ZNF568: variants seen among roughly 807,000 people sequenced by gnomAD.
ZNF568 encodes p53 inhibitor of SCO2 activation.
ZNF568 carries 11 observed loss-of-function variants against 18.1 expected under a neutral mutation model. The ratio of observed to expected loss-of-function variants is 0.61; its 90% CI spans 0.38 to 1.00. The LOEUF (loss-of-function observed/expected upper bound fraction) is 1.00. Among genes scored for constraint, ZNF568 ranks in the 50% least tolerant of loss-of-function variants. ZNF568 has a pLI of 0.01. For synonymous variants in ZNF568, 213 were observed against 246.6 expected, an observed-to-expected ratio of 0.86 and a Z score of 1.28; for missense variants, 639 against 768.2, an observed-to-expected ratio of 0.83 and a Z score of 1.99.
chr19:36,949,438 C>A, intron 6 of ZNF568, 74 bp from the exon 7 acceptor site: 1 of 1,432,118 alleles, frequency 7.0e-7, no homozygotes, highest in Non-Finnish European at 9.3e-7. Flanking sequence ...CCACATTAGC[C>A]TATTTCTGAT....
intron 2 of ZNF568, among the ~76,000 whole-genome samples, chr19:36,919,272 G>A (rs532892288): frequency 2.0e-4 from 31 of 152,042 alleles, no homozygotes; most frequent in South Asian, 1.7e-3. Context: ...TGTTTTCATG[G>A]AGTTTATGTT....
At chr19:36,925,315 G>GTTC in intron 4 of ZNF568, 57 bp downstream of exon 4, 1 of 1,485,196 alleles carries the variant, frequency 6.7e-7, no homozygotes, top group Non-Finnish European at 9.4e-7. Flanking sequence ...GTTACGGTGG[G>GTTC]TTCTTGTAAC....
intron 4 of ZNF568, among the ~76,000 whole-genome samples, chr19:36,935,266 A>G (rs369347234): frequency 2.0e-5 from 3 of 152,100 alleles, no homozygotes; most frequent in African/African-American, 7.2e-5. Context: ...ATCCATTATT[A>G]AAAGTGGTGT....
chr19:36,936,418 T>C (rs1467108732), intron 4 of ZNF568, among the ~76,000 whole-genome samples: 1 of 143,978 alleles, frequency 6.9e-6, no homozygotes, highest in East Asian at 2.0e-4. Flanking sequence ...AAATCTTGTG[T>C]CATTGCTTAC....
At position 36,922,856 on chromosome 19, in the gene ZNF568, C is replaced by T; in HGVS notation, c.76+10C>T. 1.2e-6 allele frequency: 2 copies of T among 1,613,224 alleles called. No homozygotes were observed. Among genetic ancestry groups the T allele is most frequent in the East Asian group, 4.5e-5 (2 of 44,872 alleles). On this transcript the variant is annotated intron_variant, in intron 3 of 6. Coordinates refer to ENST00000333987, the MANE Select transcript of ZNF568 (RefSeq NM_198539.4). ...ATGATGGAAAGGAAAGGTGAGGTGG[C>T]TCATAGGTGGACAGAGCTTAGGAGA... is the stretch of plus-strand genomic sequence containing the variant.
At chr19:36,984,656 A>G (rs991966731), downstream of ZNF568, among the ~76,000 whole-genome samples, 3 of 151,990 alleles carry the variant, frequency 2.0e-5, no homozygotes, top group Non-Finnish European at 4.4e-5. Flanking sequence ...AGATGGAATT[A>G]AATAGTAAAT....
At position 36,970,223 on chromosome 19, in the gene ZNF568, T is replaced by C. The variant is rs114989340; in HGVS notation, c.359-4197T>C. Among the ~76,000 whole-genome samples, 93 of 127,336 alleles carry C rather than the reference T, an allele frequency of 7.3e-4. 24 individuals are homozygous for C. The highest frequency in any genetic ancestry group is 2.6e-3 in the African/African-American group (85 of 32,592). The allele number at this position is 127,336 out of a possible 152,430, so 83.5% of individuals were successfully genotyped here. A position where few individuals can be genotyped will look rare whatever the true frequency, so the allele number is the denominator to read the frequency against. On this transcript the variant is annotated intron_variant, in intron 6 of 7. Coordinates refer to the ZNF568 transcript ENST00000427117. ...TTATGAATTTCTTTTTTCCCAATCC[T>C]TTGACATAACTATATAAATTTTATA...
Position 36,968,364 on chromosome 19 carries a change from G to A in ZNF568, c.359-6056G>A, listed in dbSNP as rs530074851. On this transcript the variant is annotated intron_variant, in intron 6 of 7. Transcript: ENST00000427117. Reference sequence around the variant, plus strand: ...CCGAGGCAGGTAGATCACGAAGTCAGGAGATCAAGACCAGCCTGGCCAACA... The same window carrying A: ...CCGAGGCAGGTAGATCACGAAGTCAAGAGATCAAGACCAGCCTGGCCAACA... 1.6e-3 allele frequency among the ~76,000 whole-genome samples: 246 copies of A among 151,962 alleles called. 13 individuals are homozygous for A. The South Asian group carries it at 0.05, about 31-fold the overall frequency.
chr19:36,979,162 T>G (rs1367901059), exon 8 of ZNF568: 1 of 217,728 alleles, frequency 4.6e-6, no homozygotes, highest in South Asian at 4.7e-5. Context: ...TTAGTGTTTT[T>G]TATAGAGACG....
chr19:36,933,683 T>C (rs1309224015), intron 4 of ZNF568, among the ~76,000 whole-genome samples: 1 of 151,878 alleles, frequency 6.6e-6, no homozygotes, highest in Admixed American at 6.6e-5. Flanking sequence ...GAGTGGGCTC[T>C]AGTGTTTTTT....
At chr19:36,927,901 ATATTTTTTTTTTTT>A (rs1568381611) in intron 4 of ZNF568, among the ~76,000 whole-genome samples, 20 of 23,074 alleles carry the variant, frequency 8.7e-4, no homozygotes, top group African/African-American at 4.9e-3. Context: ...ATATATATAT[ATATTTTTTTTTTTT>A]TTTTTTTTTT....
intron 6 of ZNF568, among the ~76,000 whole-genome samples, chr19:36,964,170 T>A (rs571985956): frequency 1.3e-5 from 2 of 152,086 alleles, no homozygotes; most frequent in South Asian, 4.2e-4. Flanking sequence ...TCAAGTCACA[T>A]AAACATTTGT....
At chr19:36,991,431 G>T (rs2146349331) in intron 3 of ZNF568, 2 of 1,230,638 alleles carry the variant, frequency 1.6e-6, no homozygotes, top group East Asian at 5.3e-5. Flanking sequence ...AATGTTTCTT[G>T]CTCACCAAAA....
intron 6 of ZNF568, among the ~76,000 whole-genome samples, chr19:36,965,204 C>T (rs755405883): frequency 2.0e-5 from 3 of 152,110 alleles, no homozygotes; most frequent in Non-Finnish European, 4.4e-5. Context: ...GTGATTAGCT[C>T]ATGAGAGCTC....
chr19:36,939,447 A>G (rs1351075733), intron 6 of ZNF568, among the ~76,000 whole-genome samples: 1 of 151,878 alleles, frequency 6.6e-6, no homozygotes, highest in African/African-American at 2.4e-5. Flanking sequence ...TTCCCTGCCT[A>G]ATCCAGTCTA....
In ZNF568 at chr19:36,941,948, C is replaced by T. The variant is rs117671515; in HGVS notation, c.358+4706C>T. Among the ~76,000 whole-genome samples, 57 of 151,006 alleles carry T rather than the reference C, an allele frequency of 3.8e-4. 1 individual carries two copies. In the East Asian group the frequency reaches 8.4e-3, roughly 22 times the overall value. On this transcript the variant is annotated intron_variant, in intron 6 of 6. Coordinates refer to ENST00000333987, the MANE Select transcript of ZNF568 (RefSeq NM_198539.4). ...AACTATCTCTTTTGTTGTCGACCTA[C>T]GTATTTTGAAACAAATGTTTATACT... is the stretch of plus-strand genomic sequence containing the variant.
intron 6 of ZNF568, among the ~76,000 whole-genome samples, chr19:36,969,395 A>T (rs1232912142): frequency 2.6e-5 from 4 of 152,174 alleles, no homozygotes; most frequent in Non-Finnish European, 5.9e-5. Context: ...GAGCGAAAGA[A>T]AATATCTCAA....
chr19:36,932,729 G>A (rs188738700), intron 4 of ZNF568, among the ~76,000 whole-genome samples: 1 of 152,184 alleles, frequency 6.6e-6, no homozygotes, highest in Non-Finnish European at 1.5e-5. Context: ...AGCTGTCCTA[G>A]TGGGTGTGAA....
intron 5 of ZNF568, 92 bp downstream of exon 5, chr19:36,936,964 C>T (rs1423462604): frequency 1.3e-6 from 2 of 1,503,924 alleles, no homozygotes; most frequent in Non-Finnish European, 1.8e-6. Context: ...TGAATCTAGC[C>T]TTTCCTTTCT....
Sources: allele counts gnomAD v4.1 joint callset (sites outside exome capture counted in the v4.1 genomes callset), GRCh38; gene constraint gnomAD v4.1.1; transcripts MANE v1.5; gene names NCBI Gene and HGNC (gene_info 2026-07-23, HGNC 2026-07-21).